The following LRRIQ3 variants were observed in gnomAD, a reference collection of about 807,000 sequenced individuals.
LRRIQ3 encodes the protein leucine rich repeats and IQ motif containing 3.
In LRRIQ3, 75 loss-of-function variants were observed where a neutral mutation model predicts 59.3. The observed-to-expected ratio is 1.26, with a 90% confidence interval of 1.05 to 1.53. The LOEUF is 1.53. Ranked by LOEUF, LRRIQ3 falls within the 40% of genes most tolerant of loss-of-function variation. LRRIQ3 has a pLI of 0.00. For synonymous variants in LRRIQ3, 250 were observed against 231.3 expected (o/e 1.08, Z -0.73); for missense variants, 831 against 710.0 (o/e 1.17, Z -1.94).
At chr1:74,101,302 G>T (rs1269040512) in intron 5 of LRRIQ3, among the ~76,000 whole-genome samples, 1 of 152,110 alleles carries the variant, frequency 6.6e-6, no homozygotes, top group African/African-American at 2.4e-5. Context: ...ATAGACACAT[G>T]AAAAAATGCT....
At chr1:74,136,314 A>G (rs926215405) in intron 4 of LRRIQ3, among the ~76,000 whole-genome samples, 8 of 151,970 alleles carry the variant, frequency 5.3e-5, no homozygotes, top group African/African-American at 1.9e-4. Flanking sequence ...TAAGATAGAA[A>G]TAATACCAAT....
chr1:74,171,928 A>T (rs748971143), intron 3 of LRRIQ3, among the ~76,000 whole-genome samples: 2 of 152,240 alleles, frequency 1.3e-5, no homozygotes, highest in Non-Finnish European at 2.9e-5. Context: ...GTTTTAAATG[A>T]GTCTCAAAAT....
At chr1:74,096,152 C>A (rs1472909760) in intron 5 of LRRIQ3, among the ~76,000 whole-genome samples, 1 of 152,042 alleles carries the variant, frequency 6.6e-6, no homozygotes, top group African/African-American at 2.4e-5. Flanking sequence ...GATTTAGTGT[C>A]TGGCTTAATA....
intron 4 of LRRIQ3, among the ~76,000 whole-genome samples, chr1:74,116,020 A>G (rs1439704965): frequency 6.6e-6 from 1 of 152,098 alleles, no homozygotes; most frequent in African/African-American, 2.4e-5. Context: ...TTCAATTAAA[A>G]TAAGTCCAAA....
intron 4 of LRRIQ3, among the ~76,000 whole-genome samples, chr1:74,147,349 A>C (rs565244673): frequency 6.6e-6 from 1 of 152,158 alleles, no homozygotes; most frequent in Non-Finnish European, 1.5e-5. Context: ...GAAATAAATA[A>C]ATTTTTCTCT....
intron 4 of LRRIQ3, among the ~76,000 whole-genome samples, chr1:74,147,330 A>G (rs918173630): frequency 6.6e-6 from 1 of 152,094 alleles, no homozygotes; most frequent in African/African-American, 2.4e-5. Flanking sequence ...TTCTAAAAAA[A>G]CTCCATATGA....
At chr1:74,052,999 A>G (rs1455013406) in intron 6 of LRRIQ3, among the ~76,000 whole-genome samples, 2 of 152,124 alleles carry the variant, frequency 1.3e-5, no homozygotes, top group Non-Finnish European at 2.9e-5. Flanking sequence ...AATAATCAAA[A>G]CAGTTTGGTA....
rs143015235 is a variant in LRRIQ3 at position 74,054,739 on chromosome 1, AAT to A, written c.998-12808_998-12807del. On this transcript the variant is annotated intron_variant, in intron 6 of 7. Transcript: ENST00000354431. ...TAATTACAAAAAGGAAGAAAACACAAATATATATATATATATATCTATATATC... is the reference window on the plus strand; with the variant it reads ...TAATTACAAAAAGGAAGAAAACACAAATATATATATATATATCTATATATC... Among the ~76,000 whole-genome samples the A allele has an allele frequency of 5.9e-3, 837 of 141,790 alleles. 10 individuals carry two copies. Among genetic ancestry groups the A allele is most frequent in the African/African-American group, 0.02 (783 of 39,000 alleles). 93.0% of individuals were successfully genotyped at this position (141,790 alleles called of 152,430 possible).
At position 74,090,484 on chromosome 1, in the gene LRRIQ3, A is replaced by G. The variant is rs115980678; in HGVS notation, c.868-15694T>C. ...GATTATCAGGTCAAAAGAAGACTGTACCAGAAATACTTAGTAATGAAAATA... is the reference window on the plus strand; with the variant it reads ...GATTATCAGGTCAAAAGAAGACTGTGCCAGAAATACTTAGTAATGAAAATA... On this transcript the variant is annotated intron_variant, in intron 5 of 7. Coordinates refer to ENST00000354431, the MANE Select transcript of LRRIQ3 (RefSeq NM_001105659.2). Among the ~76,000 whole-genome samples the G allele has an allele frequency of 7.2e-3, 1,092 of 152,236 alleles. 13 individuals are homozygous for G. Among genetic ancestry groups the G allele is most frequent in the African/African-American group, 0.025 (1,041 of 41,570 alleles).
intron 5 of LRRIQ3, among the ~76,000 whole-genome samples, chr1:74,099,180 G>A (rs1646493894): frequency 6.6e-6 from 1 of 152,058 alleles, no homozygotes. Context: ...AAGAAGAAAA[G>A]AGACAAGAAT....
intron 1 of LRRIQ3, among the ~76,000 whole-genome samples, chr1:74,194,058 G>A (rs1207999397): frequency 2.0e-5 from 3 of 151,834 alleles, no homozygotes; most frequent in Non-Finnish European, 2.9e-5. Flanking sequence ...GTTAAGTAAC[G>A]ACTGTTTTAA....
At chr1:74,138,817 A>T (rs1647172345) in intron 4 of LRRIQ3, among the ~76,000 whole-genome samples, 1 of 151,840 alleles carries the variant, frequency 6.6e-6, no homozygotes, top group Non-Finnish European at 1.5e-5. Context: ...AAATTCAATT[A>T]TCTGTGATAT....
chr1:74,152,614 G>A (rs1165181901), intron 4 of LRRIQ3, among the ~76,000 whole-genome samples: 1 of 152,088 alleles, frequency 6.6e-6, no homozygotes, highest in Non-Finnish European at 1.5e-5. Flanking sequence ...TAACATTTGG[G>A]GTGTTAACAT....
chr1:74,030,663 A>G (rs1234990656), intron 7 of LRRIQ3, among the ~76,000 whole-genome samples: 2 of 152,342 alleles, frequency 1.3e-5, no homozygotes, highest in African/African-American at 2.4e-5. Context: ...AAACCCTAAA[A>G]GAAAACCTAG....
At chr1:74,064,131 A>G (rs1654805868) in intron 6 of LRRIQ3, among the ~76,000 whole-genome samples, 1 of 151,838 alleles carries the variant, frequency 6.6e-6, no homozygotes, top group Non-Finnish European at 1.5e-5. Flanking sequence ...TATAATGTCT[A>G]TATATGGTAA....
intron 4 of LRRIQ3, among the ~76,000 whole-genome samples, chr1:74,130,083 C>G (rs1235050341): frequency 6.6e-6 from 1 of 152,028 alleles, no homozygotes; most frequent in African/African-American, 2.4e-5. Context: ...GATGCAAACC[C>G]TCCCTTGGCT....
At chr1:74,072,358 A>C (rs1017095897) in intron 6 of LRRIQ3, among the ~76,000 whole-genome samples, 1 of 152,136 alleles carries the variant, frequency 6.6e-6, no homozygotes, top group Admixed American at 6.6e-5. Flanking sequence ...TGGAAATTTT[A>C]GAGGTAGTAT....
At position 74,041,735 on chromosome 1, in the gene LRRIQ3, C is replaced by A. The variant is rs202037480; in HGVS notation, c.1196G>T (p.Arg399Leu). The change falls in exon 7 of 8, where the codon CGA becomes CTA. Residue 399 changes from arginine to leucine, a missense_variant. By Grantham distance (102) the Arg-to-Leu change is moderately radical. Transcript: ENST00000354431. ...AAACTCTTTCATACTCCGCTCCAAT[C>A]GTATGTCTTTTTTAATGATTGGCTT... is the stretch of plus-strand genomic sequence containing the variant. ...HPKPIIKKDI[R>L]LERSMKEFFA... is the part of the protein sequence containing the mutation. 4 of 1,613,442 alleles carry A rather than the reference C, an allele frequency of 2.5e-6. No homozygotes were observed. The highest frequency in any genetic ancestry group is 1.1e-5 in the South Asian group (1 of 91,042).
chr1:74,084,282 A>G, intron 5 of LRRIQ3: 1 of 1,453,846 alleles, frequency 6.9e-7, no homozygotes, highest in Non-Finnish European at 9.4e-7. Flanking sequence ...GAGGTGTACC[A>G]TTAGTTAACA....
Sources: gnomAD v4.1 joint callset for allele counts (sites outside exome capture counted in the v4.1 genomes callset) on GRCh38, gnomAD v4.1.1 for gene constraint, MANE v1.5 for transcripts, NCBI Gene and HGNC (gene_info 2026-07-23, HGNC 2026-07-21) for gene names.